The following ODF2L variants were observed in gnomAD, a reference collection of about 807,000 sequenced individuals.
The protein encoded by ODF2L is outer dense fiber of sperm tails 2 like.
In ODF2L, 76 loss-of-function variants were observed where a neutral mutation model predicts 86.3. That is an observed-to-expected ratio of 0.88 (90% CI 0.73 to 1.07). The LOEUF (loss-of-function observed/expected upper bound fraction) is 1.07. Among genes scored for constraint, ODF2L ranks in the 50% least tolerant of loss-of-function variants. The pLI, the probability that ODF2L is intolerant of heterozygous loss-of-function variation, is 0.00. For missense variants in ODF2L, 748 were observed against 717.4 expected, an observed-to-expected ratio of 1.04 and a Z score of -0.49; for synonymous variants, 241 against 231.3, an observed-to-expected ratio of 1.04 and a Z score of -0.38.
chr1:86,369,088 C>T (rs1169086012), intron 10 of ODF2L, among the ~76,000 whole-genome samples: 5 of 151,934 alleles, frequency 3.3e-5, no homozygotes. Context: ...AGTATATATT[C>T]TTCACTCAAA....
intron 10 of ODF2L, chr1:86,368,764 A>T: frequency 7.6e-7 from 1 of 1,322,886 alleles, no homozygotes; most frequent in Non-Finnish European, 9.8e-7. Context: ...GAAAATGTTC[A>T]TCAGAGCATT....
chr1:86,366,391 T>TACAC (rs71643841), intron 11 of ODF2L, among the ~76,000 whole-genome samples: 5,169 of 119,130 alleles, frequency 0.043, 130 homozygotes, highest in Middle Eastern at 0.091. Flanking sequence ...AGACCCCACC[T>TACAC]ACACACACAC....
chr1:86,359,519 C>CTTTT (rs5775904), intron 12 of ODF2L, among the ~76,000 whole-genome samples: 80 of 95,084 alleles, frequency 8.4e-4, no homozygotes, highest in Non-Finnish European at 1.2e-3. Flanking sequence ...TTAGTTCATT[C>CTTTT]TTTTTTTTTT....
Position 86,359,520 on chromosome 1 carries a change from T to TC in ODF2L, c.1255-630_1255-629insG, listed in dbSNP as rs1658867942. Among the ~76,000 whole-genome samples, 12 of 21,614 alleles carry TC rather than the reference T, an allele frequency of 5.6e-4. No individual in the cohort carries two copies. The South Asian group carries it at 0.032, about 57-fold the overall frequency. The allele number at this position is 21,614 out of a possible 152,430, so 14.2% of individuals were successfully genotyped here. On this transcript the variant is annotated intron_variant, in intron 12 of 17. Coordinates refer to ENST00000317336, the Ensembl canonical transcript of ODF2L. ...TTAAGCTTTCATCCTTAGTTCATTC[T>TC]TTTTTTTTTTTTTTTTTTTTGAGAT... is the stretch of plus-strand genomic sequence containing the variant.
At chr1:86,393,791 G>A (rs892186973) in intron 1 of ODF2L, among the ~76,000 whole-genome samples, 11 of 152,186 alleles carry the variant, frequency 7.2e-5, no homozygotes, top group African/African-American at 1.9e-4. Context: ...TATTAACTGT[G>A]AGGACAAATA....
intron 1 of ODF2L, among the ~76,000 whole-genome samples, chr1:86,391,648 C>T (rs1327947182): frequency 6.6e-6 from 1 of 152,168 alleles, no homozygotes; most frequent in Non-Finnish European, 1.5e-5. Flanking sequence ...ATTGGATCTT[C>T]ATCTCTCACC....
rs193168642 is a variant in ODF2L at position 86,359,845 on chromosome 1, C to G, written c.1254+581G>C. ...TTCATTATTCTTTAATTCAAACTCTCTCTGACCAGTGTGTTAACCATCATG... is the reference window on the plus strand; with the variant it reads ...TTCATTATTCTTTAATTCAAACTCTGTCTGACCAGTGTGTTAACCATCATG... On this transcript the variant is annotated intron_variant, in intron 12 of 17. Transcript: ENST00000317336. Among the ~76,000 whole-genome samples the G allele has an allele frequency of 2.0e-5, 3 of 152,264 alleles. No homozygotes were observed. The East Asian group carries it at 5.8e-4, about 29-fold the overall frequency.
At chr1:86,362,354 T>G (rs1558019016) in intron 11 of ODF2L, among the ~76,000 whole-genome samples, 1 of 151,988 alleles carries the variant, frequency 6.6e-6, no homozygotes, top group Non-Finnish European at 1.5e-5. Flanking sequence ...AGGGCAATAG[T>G]GTAATCATGG....
chr1:86,378,545 C>G (rs1455614831), intron 7 of ODF2L, among the ~76,000 whole-genome samples: 1 of 152,138 alleles, frequency 6.6e-6, no homozygotes, highest in East Asian at 1.9e-4. Flanking sequence ...GGGTGATTTA[C>G]AAAGGGACAA....
chr1:86,388,216 C>T (rs1261614497), intron 1 of ODF2L, among the ~76,000 whole-genome samples: 3 of 152,008 alleles, frequency 2.0e-5, no homozygotes, highest in African/African-American at 7.2e-5. Flanking sequence ...AATGGTATAA[C>T]AATATTTCGA....
At chr1:86,365,338 A>G (rs963626355) in intron 11 of ODF2L, among the ~76,000 whole-genome samples, 3 of 152,186 alleles carry the variant, frequency 2.0e-5, no homozygotes, top group Non-Finnish European at 2.9e-5. Context: ...TAAATGACTG[A>G]TGTATTCTAG....
intron 13 of ODF2L, 41 bp from the exon 13 acceptor site, chr1:86,356,643 T>A: frequency 6.4e-7 from 1 of 1,558,708 alleles, no homozygotes; most frequent in East Asian, 2.3e-5. Context: ...AGATCACACA[T>A]TCAGCATTAA....
At chr1:86,356,315 T>C (rs909733429) in intron 14 of ODF2L, 129 bp downstream of exon 13, 7 of 623,224 alleles carry the variant, frequency 1.1e-5, no homozygotes, top group South Asian at 9.1e-5. Context: ...TGCATGAAAA[T>C]GATGTTTTAC....
intron 1 of ODF2L, among the ~76,000 whole-genome samples, chr1:86,390,414 G>A (rs1317299313): frequency 7.1e-6 from 1 of 141,098 alleles, no homozygotes; most frequent in East Asian, 2.4e-4. Flanking sequence ...GTGAGACTCC[G>A]TCTCAAGAAA....
chr1:86,368,007 A>G, intron 11 of ODF2L, among the ~76,000 whole-genome samples: 1 of 152,188 alleles, frequency 6.6e-6, no homozygotes, highest in East Asian at 1.9e-4. Flanking sequence ...TGTCTGAACC[A>G]TGTAAAAAAC....
At chr1:86,352,157 CT>C in exon 18 of ODF2L, 2 of 1,505,386 alleles carry the variant, frequency 1.3e-6, no homozygotes, top group Non-Finnish European at 1.8e-6. Flanking sequence ...AGGTTTTCAA[CT>C]TTTTAGACAC....
intron 14 of ODF2L, chr1:86,355,281 C>A: frequency 9.3e-7 from 1 of 1,070,002 alleles, no homozygotes; most frequent in Non-Finnish European, 1.4e-6. Flanking sequence ...GAAGTCGAAA[C>A]TGTAAATAAA....
chr1:86,348,253 C>T (rs1657905876), downstream of ODF2L: 1 of 151,950 alleles, frequency 6.6e-6, no homozygotes, highest in African/African-American at 2.4e-5. Context: ...TCAGCATATA[C>T]TTGAAACAAT....
At chr1:86,373,512 T>C (rs1659954761) in intron 8 of ODF2L, among the ~76,000 whole-genome samples, 1 of 149,160 alleles carries the variant, frequency 6.7e-6, no homozygotes. Context: ...ATGTTATACA[T>C]ATATATTGAT....
Sources: gnomAD v4.1 joint callset for allele counts (sites outside exome capture counted in the v4.1 genomes callset) on GRCh38, gnomAD v4.1.1 for gene constraint, MANE v1.5 for transcripts, NCBI Gene and HGNC (gene_info 2026-07-23, HGNC 2026-07-21) for gene names.